ZNF469: variants seen among roughly 807,000 people sequenced by gnomAD.
The protein encoded by ZNF469 is zinc finger protein 469.
A neutral mutation model predicts 1.0 loss-of-function variants in ZNF469; 1 was observed. The ratio of observed to expected loss-of-function variants is 1.00; its 90% CI spans 0.35 to 4.73. ZNF469 has a LOEUF of 4.73. ZNF469 is among the 30% of genes most tolerant of loss of function. The pLI is 0.16. For missense variants in ZNF469, 6,100 were observed against 5,356.3 expected, an observed-to-expected ratio of 1.14 and a Z score of -4.33; for synonymous variants, 2,703 against 2,363.4, an observed-to-expected ratio of 1.14 and a Z score of -4.17.
rs1250696434 is a variant in ZNF469 at position 88,436,418 on chromosome 16, G to A, written c.8948G>A (p.Arg2983Gln). The change falls in exon 3 of 3, where the codon CGG (arginine) becomes CAG (glutamine). Residue 2983 changes from arginine to glutamine, a missense_variant. Coordinates refer to ENST00000565624, the MANE Select transcript of ZNF469 (RefSeq NM_001367624.2). ...CCCTCCCACTGCCCCGAGGACGATC[G>A]GCCGGAGGCCATTCCTGAGCTGCAC... ...KLPSHCPEDD[R>Q]PEAIPELHMV... is the part of the protein sequence containing the mutation. 1.2e-5 allele frequency: 18 copies of A among 1,548,834 alleles called. 1 individual carries two copies. The highest frequency in any genetic ancestry group is 1.4e-5 in the African/African-American group (1 of 73,060).
chr16:88,398,104 T>C (rs13338423), intron 1 of ZNF469, among the ~76,000 whole-genome samples: 45,217 of 152,210 alleles, frequency 0.3, 7,085 homozygotes, highest in Non-Finnish European at 0.35. Flanking sequence ...GTGACCTCTC[T>C]ACAGCCTGAT....
chr16:88,321,319 C>T, the ZNF469 span, among the ~76,000 whole-genome samples: 2 of 152,278 alleles, frequency 1.3e-5, no homozygotes, highest in South Asian at 4.1e-4. Flanking sequence ...CCCAGGGAAA[C>T]CTTGGTTTTT....
the ZNF469 span, among the ~76,000 whole-genome samples, chr16:88,155,804 G>A: frequency 1.3e-5 from 2 of 152,214 alleles, no homozygotes; most frequent in African/African-American, 4.8e-5. Context: ...TGGTTCTTGG[G>A]TGTGCACGGA....
upstream of ZNF469, among the ~76,000 whole-genome samples, chr16:88,380,385 TC>T (rs2092518280): frequency 9.7e-6 from 1 of 103,546 alleles, no homozygotes; most frequent in Admixed American, 9.3e-5. Context: ...TCACACGCAC[TC>T]ACAGACACGC....
At chr16:88,425,704 C>T (rs1289958751) in intron 2 of ZNF469, among the ~76,000 whole-genome samples, 2 of 152,230 alleles carry the variant, frequency 1.3e-5, no homozygotes, top group Non-Finnish European at 2.9e-5. Flanking sequence ...CAAACCTCAC[C>T]TGTGAATCCT....
At chr16:88,404,076 T>A (rs770373326) in intron 1 of ZNF469, among the ~76,000 whole-genome samples, 1 of 152,238 alleles carries the variant, frequency 6.6e-6, no homozygotes, top group Non-Finnish European at 1.5e-5. Flanking sequence ...TGGGATCCTT[T>A]AGAAAAACAG....
chr16:88,406,318 G>A (rs1046039526), intron 1 of ZNF469, among the ~76,000 whole-genome samples: 3 of 152,224 alleles, frequency 2.0e-5, no homozygotes, highest in African/African-American at 7.2e-5. Flanking sequence ...GCAGCTGTGT[G>A]TGTGGAATGT....
Position 88,417,695 on chromosome 16 carries a change from T to C in ZNF469, c.-191-7112T>C, listed in dbSNP as rs182260683. ...GCGTTTGCTGGGCTCCGGTACAGCA[T>C]TGACATTTAGAGGGTAGGCTGTGTC... On this transcript the variant is annotated intron_variant, in intron 1 of 2. Coordinates refer to ENST00000565624, the MANE Select transcript of ZNF469 (RefSeq NM_001367624.2). 5.9e-5 allele frequency among the ~76,000 whole-genome samples: 9 copies of C among 152,306 alleles called. No homozygotes were observed. In the East Asian group the frequency reaches 1.4e-3, roughly 23 times the overall value.
At position 88,404,539 on chromosome 16, in the gene ZNF469, T is replaced by C. The variant is rs564865392; in HGVS notation, c.-191-20268T>C. 4.0e-4 allele frequency among the ~76,000 whole-genome samples: 61 copies of C among 151,992 alleles called. 1 individual carries two copies. The highest frequency in any genetic ancestry group is 1.2e-3 in the Admixed American group (19 of 15,272). On this transcript the variant is annotated intron_variant, in intron 1 of 2. Transcript: ENST00000565624. ...GGCAGCTGTCATGGCTGAGCCACAG[T>C]GGGGATGTCGTCTGTGCCTGGGTGG...
At chr16:88,174,047 A>G in the ZNF469 span, among the ~76,000 whole-genome samples, 1 of 152,200 alleles carries the variant, frequency 6.6e-6, no homozygotes, top group Non-Finnish European at 1.5e-5. Context: ...ATTATGAACA[A>G]CAATTGTAAG....
chr16:88,166,702 G>T, the ZNF469 span, among the ~76,000 whole-genome samples: 2 of 151,644 alleles, frequency 1.3e-5, no homozygotes, highest in Non-Finnish European at 2.9e-5. The surrounding 1 kb of genome is among the most constrained non-coding windows in gnomAD (Gnocchi z 4.5). Flanking sequence ...GTTTTTCAAG[G>T]GCTGGGTTTC....
chr16:88,153,600 G>C, the ZNF469 span, among the ~76,000 whole-genome samples: 1 of 152,226 alleles, frequency 6.6e-6, no homozygotes, highest in African/African-American at 2.4e-5. Flanking sequence ...CCCTCAGCAG[G>C]GTCGCTGACT....
At chr16:88,330,425 C>G in the ZNF469 span, among the ~76,000 whole-genome samples, 1 of 152,258 alleles carries the variant, frequency 6.6e-6, no homozygotes, top group Non-Finnish European at 1.5e-5. Context: ...AGGCTCCTAC[C>G]CTGAGAGCGG....
chr16:88,391,758 A>G (rs1193895341), intron 1 of ZNF469, among the ~76,000 whole-genome samples: 2 of 152,246 alleles, frequency 1.3e-5, no homozygotes, highest in African/African-American at 4.8e-5. Context: ...GGCTTTCAAG[A>G]GAAGCCTGAC....
chr16:88,333,920 C>CTGTGTG, the ZNF469 span, among the ~76,000 whole-genome samples: 41 of 149,534 alleles, frequency 2.7e-4, no homozygotes, highest in African/African-American at 8.6e-4. Flanking sequence ...CTGTGTGTGT[C>CTGTGTG]TGTGTGTGTC....
chr16:88,116,595 G>A, the ZNF469 span, among the ~76,000 whole-genome samples: 3 of 152,170 alleles, frequency 2.0e-5, no homozygotes, highest in Non-Finnish European at 2.9e-5. Flanking sequence ...CAACCCAAGC[G>A]TCCTTCAGTG....
chr16:88,107,654 G>T, the ZNF469 span, among the ~76,000 whole-genome samples: 1 of 152,252 alleles, frequency 6.6e-6, no homozygotes, highest in Non-Finnish European at 1.5e-5. Flanking sequence ...CAACATAATG[G>T]CAGGGTCCTT....
chr16:88,351,919 G>A, the ZNF469 span, among the ~76,000 whole-genome samples: 2 of 152,254 alleles, frequency 1.3e-5, no homozygotes, highest in Non-Finnish European at 2.9e-5. Flanking sequence ...CACCTGGCTG[G>A]TGGAGAAACA....
At chr16:88,260,362 C>T in the ZNF469 span, among the ~76,000 whole-genome samples, 1 of 152,208 alleles carries the variant, frequency 6.6e-6, no homozygotes, top group Admixed American at 6.5e-5. This position sits in a 1 kb window ranked among gnomAD's most constrained non-coding sequence, Gnocchi z 4.1. Flanking sequence ...ATGTCAGGCT[C>T]AGCCTAAGGC....
Sources: allele counts gnomAD v4.1 joint callset (sites outside exome capture counted in the v4.1 genomes callset), GRCh38; gene constraint gnomAD v4.1.1; non-coding constraint Gnocchi (gnomAD v3.1); transcripts MANE v1.5; gene names NCBI Gene and HGNC (gene_info 2026-07-23, HGNC 2026-07-21).